The following CSNK1G1 variants were observed in gnomAD, a reference collection of about 807,000 sequenced individuals.
The protein encoded by CSNK1G1 is casein kinase I isoform gamma-1.
CSNK1G1 carries 22 observed loss-of-function variants against 59.6 expected under a neutral mutation model. The observed-to-expected ratio is 0.37, with a 90% CI of 0.26 to 0.53. CSNK1G1 has a LOEUF of 0.53. Among genes scored for constraint, CSNK1G1 ranks in the 20% least tolerant of loss-of-function variants. The pLI is 0.89. For missense variants in CSNK1G1, 384 were observed against 519.5 expected, an observed-to-expected ratio of 0.74 and a Z score of 2.54; for synonymous variants, 179 against 177.1, an observed-to-expected ratio of 1.01 and a Z score of -0.08.
At chr15:64,237,306 C>T (rs2082629609) in intron 4 of CSNK1G1, among the ~76,000 whole-genome samples, 1 of 152,062 alleles carries the variant, frequency 6.6e-6, no homozygotes, top group South Asian at 2.1e-4. Context: ...ATAACTTTTC[C>T]CTGAATTTAG....
intron 2 of CSNK1G1, among the ~76,000 whole-genome samples, chr15:64,292,197 G>A (rs1282973985): frequency 4.1e-5 from 6 of 147,096 alleles, no homozygotes; most frequent in South Asian, 2.2e-4. Flanking sequence ...GCGACAGAGC[G>A]AGACTCCGTC....
chr15:64,351,650 G>A (rs1241954552), intron 1 of CSNK1G1, among the ~76,000 whole-genome samples: 1 of 152,152 alleles, frequency 6.6e-6, no homozygotes, highest in Non-Finnish European at 1.5e-5. Flanking sequence ...AGGCTGAGGC[G>A]GGCCAATCAC....
rs2140193974 is a variant in CSNK1G1, at chr15:64,170,255, C to A, written c.*1676G>T. On this transcript the variant is annotated 3_prime_UTR_variant, in exon 12 of 12. Coordinates refer to ENST00000303052, the MANE Select transcript of CSNK1G1 (RefSeq NM_022048.5). The stretch of plus-strand genomic sequence containing the variant: ...CAAACAGTGAATGAGGAACCAGATC[C>A]TTCACAGTAGTACCTCATATGAAAA... 6.6e-6 allele frequency: 1 copy of A among 152,358 alleles called. No homozygotes were observed. 9.4% of individuals were successfully genotyped at this position (152,358 alleles called of 1,614,324 possible).
At chr15:64,330,829 C>T (rs1184301165) in intron 1 of CSNK1G1, among the ~76,000 whole-genome samples, 1 of 26,264 alleles carries the variant, frequency 3.8e-5, no homozygotes, top group African/African-American at 1.6e-4. Context: ...TCAGCAAAGT[C>T]TCAGGATACA....
intron 4 of CSNK1G1, among the ~76,000 whole-genome samples, chr15:64,245,871 C>T (rs1456067120): frequency 6.6e-6 from 1 of 152,024 alleles, no homozygotes; most frequent in East Asian, 1.9e-4. Context: ...ACAAATATCA[C>T]ATGTTCTCGC....
In CSNK1G1 at chr15:64,180,453, A is replaced by G. The variant is rs745627957; in HGVS notation, c.1109T>C (p.Val370Ala). 4 of 1,612,292 alleles carry G rather than the reference A, an allele frequency of 2.5e-6. No individual in the cohort carries two copies. In the African/African-American group the frequency reaches 5.3e-5, roughly 22 times the overall value. ...PSQQQPLRNQ[V>A]VSSTNGELNV... ...CAGCTCTCCATTGGTTGAGCTAACCACCTGAAACAGAAAGACAGAAGTGTG... is the reference window on the plus strand; with the variant it reads ...CAGCTCTCCATTGGTTGAGCTAACCGCCTGAAACAGAAAGACAGAAGTGTG... The change falls in exon 11 of 12, where the codon GTG becomes GCG. Residue 370 changes from valine (V) to alanine (A), a missense_variant and splice_region_variant. Coordinates refer to ENST00000303052, the MANE Select transcript of CSNK1G1 (RefSeq NM_022048.5).
At chr15:64,350,753 G>A (rs1431496132) in intron 1 of CSNK1G1, among the ~76,000 whole-genome samples, 2 of 152,110 alleles carry the variant, frequency 1.3e-5, no homozygotes, top group Non-Finnish European at 2.9e-5. Flanking sequence ...CATAAAAGGG[G>A]TTGGGAGAGA....
At chr15:64,342,224 C>A (rs1394756059) in intron 1 of CSNK1G1, among the ~76,000 whole-genome samples, 1 of 152,202 alleles carries the variant, frequency 6.6e-6, no homozygotes. Context: ...CCTGGCTCCA[C>A]CACATACCAG....
At chr15:64,208,235 C>T (rs949964479) in intron 6 of CSNK1G1, among the ~76,000 whole-genome samples, 5 of 152,174 alleles carry the variant, frequency 3.3e-5, no homozygotes, top group Non-Finnish European at 4.4e-5. Flanking sequence ...AGGCTACACA[C>T]ATCTGTAGTG....
chr15:64,174,318 A>G (rs983536143), intron 11 of CSNK1G1, among the ~76,000 whole-genome samples: 1 of 152,222 alleles, frequency 6.6e-6, no homozygotes, highest in African/African-American at 2.4e-5. Context: ...AGGAGTTGGA[A>G]TATTTCAAAT....
At chr15:64,236,358 G>A (rs1250833589) in intron 4 of CSNK1G1, among the ~76,000 whole-genome samples, 1 of 152,076 alleles carries the variant, frequency 6.6e-6, no homozygotes, top group Non-Finnish European at 1.5e-5. Flanking sequence ...AGGGAGAGGA[G>A]ATAACCTGTT....
intron 10 of CSNK1G1, among the ~76,000 whole-genome samples, chr15:64,199,891 T>A (rs767957067): frequency 2.6e-5 from 4 of 152,056 alleles, no homozygotes; most frequent in Non-Finnish European, 5.9e-5. Flanking sequence ...AAAAATTCTA[T>A]CACATTCTAA....
intron 1 of CSNK1G1, among the ~76,000 whole-genome samples, chr15:64,335,605 T>C (rs528011539): frequency 1.2e-4 from 19 of 152,334 alleles, no homozygotes; most frequent in Admixed American, 1.1e-3. Flanking sequence ...ATATTTACTT[T>C]GTGATTGATG....
chr15:64,210,815 C>A lies in CSNK1G1; in HGVS notation c.679+3075G>T, dbSNP rs763427490. Among the ~76,000 whole-genome samples, 1 of 152,118 alleles carries A rather than the reference C, an allele frequency of 6.6e-6. No individual in the cohort carries two copies. Among genetic ancestry groups the A allele is most frequent in the African/African-American group, 2.4e-5 (1 of 41,416 alleles). On this transcript the variant is annotated intron_variant, in intron 6 of 11. Coordinates refer to ENST00000303052, the MANE Select transcript of CSNK1G1 (RefSeq NM_022048.5). The surrounding 1 kb of genome is among the most constrained non-coding windows in gnomAD (Gnocchi z 4.2). ...CACGTTGAAATTTGATCCCAATGTT[C>A]GAAGCTGGGCCAAATGGAAGGTGTT...
At chr15:64,314,325 G>A (rs758618891) in intron 1 of CSNK1G1, among the ~76,000 whole-genome samples, 1 of 152,010 alleles carries the variant, frequency 6.6e-6, no homozygotes, top group Non-Finnish European at 1.5e-5. Context: ...TTTATTAGAA[G>A]ACACATTTAT....
chr15:64,286,995 A>G (rs1200526247), intron 2 of CSNK1G1, among the ~76,000 whole-genome samples: 1 of 152,204 alleles, frequency 6.6e-6, no homozygotes, highest in Non-Finnish European at 1.5e-5. Flanking sequence ...ATTATATTAA[A>G]TGCTAATGAC....
intron 6 of CSNK1G1, among the ~76,000 whole-genome samples, chr15:64,212,734 G>A (rs896303217): frequency 1.3e-5 from 2 of 151,786 alleles, no homozygotes; most frequent in African/African-American, 2.4e-5. Context: ...TGCTGGGCAC[G>A]GTGGCTCACA....
At chr15:64,300,025 TC>T (rs932979968) in intron 2 of CSNK1G1, among the ~76,000 whole-genome samples, 2 of 152,104 alleles carry the variant, frequency 1.3e-5, no homozygotes, top group Admixed American at 1.3e-4. Flanking sequence ...ACCTCAGACA[TC>T]CTAAATCAGA....
chr15:64,338,811 A>G (rs1262509381), intron 1 of CSNK1G1, among the ~76,000 whole-genome samples: 1 of 147,308 alleles, frequency 6.8e-6, no homozygotes, highest in Non-Finnish European at 1.5e-5. Context: ...TGAAGTTGGG[A>G]GTTCGAGACC....
Sources: allele counts gnomAD v4.1 joint callset (sites outside exome capture counted in the v4.1 genomes callset), GRCh38; gene constraint gnomAD v4.1.1; non-coding constraint Gnocchi (gnomAD v3.1); transcripts MANE v1.5; gene names NCBI Gene and HGNC (gene_info 2026-07-23, HGNC 2026-07-21).